Variants in MTUS2 observed in about 807,000 individuals in gnomAD.
The protein encoded by MTUS2 is microtubule associated scaffold protein 2, also known as microtubule-associated tumor suppressor candidate 2.
A neutral mutation model predicts 114.1 loss-of-function variants in MTUS2; 40 were observed. The observed-to-expected ratio is 0.35, with a 90% CI of 0.27 to 0.46. The LOEUF (loss-of-function observed/expected upper bound fraction) is 0.46. MTUS2 is among the 20% of genes least tolerant of loss of function. MTUS2 has a pLI of 1.00. For synonymous variants in MTUS2, 688 were observed against 672.0 expected, an observed-to-expected ratio of 1.02 and a Z score of -0.37; for missense variants, 1,679 against 1,705.4, an observed-to-expected ratio of 0.98 and a Z score of 0.27.
intron 5 of MTUS2, among the ~76,000 whole-genome samples, chr13:29,147,936 T>A (rs150863614): frequency 6.6e-6 from 1 of 152,322 alleles, no homozygotes; most frequent in East Asian, 1.9e-4. Flanking sequence ...ATGAATGATT[T>A]ATTTTCCTTT....
In MTUS2 at chr13:29,389,585, G is replaced by A. The variant is rs1338065419; in HGVS notation, c.3117+30112G>A. On this transcript the variant is annotated intron_variant, in intron 8 of 15. Transcript: ENST00000612955. ...TATATGTGTACATATGTGTGTATAC[G>A]TATACATATGTGTGTATACGTATAC... is the stretch of plus-strand genomic sequence containing the variant. 1.2e-4 allele frequency among the ~76,000 whole-genome samples: 13 copies of A among 110,048 alleles called. 1 individual carries two copies. Among genetic ancestry groups the A allele is most frequent in the Non-Finnish European group, 2.5e-4 (13 of 51,334 alleles). The allele number at this position is 110,048 out of a possible 152,430, so 72.2% of individuals were successfully genotyped here. A position where few individuals can be genotyped will look rare whatever the true frequency, so the allele number is the denominator to read the frequency against.
intron 2 of MTUS2, among the ~76,000 whole-genome samples, chr13:29,004,432 A>G (rs998055929): frequency 4.6e-5 from 7 of 152,212 alleles, no homozygotes; most frequent in Admixed American, 3.9e-4. Context: ...TGAAATGCTT[A>G]TTTATATAGT....
chr13:28,845,399 GT>G (rs1270802400), intron 2 of MTUS2, among the ~76,000 whole-genome samples: 1 of 152,210 alleles, frequency 6.6e-6, no homozygotes, highest in Non-Finnish European at 1.5e-5. Flanking sequence ...CTAAGGAAAT[GT>G]TTCTGGAATG....
chr13:28,824,290 C>T (rs1444291354), intron 1 of MTUS2, among the ~76,000 whole-genome samples: 2 of 152,184 alleles, frequency 1.3e-5, no homozygotes, highest in Non-Finnish European at 2.9e-5. Context: ...TGTGTATCTC[C>T]TACCACCTGG....
chr13:29,197,721 G>T (rs2139222991), intron 5 of MTUS2, among the ~76,000 whole-genome samples: 1 of 152,276 alleles, frequency 6.6e-6, no homozygotes, highest in East Asian at 1.9e-4. Flanking sequence ...TCCAGCATCT[G>T]TTGTTTCCTG....
At chr13:29,419,448 G>A (rs1566190080) in intron 8 of MTUS2, among the ~76,000 whole-genome samples, 1 of 152,164 alleles carries the variant, frequency 6.6e-6, no homozygotes, top group Non-Finnish European at 1.5e-5. Context: ...GGTTAGGGTG[G>A]CCACTTCCAT....
intron 5 of MTUS2, among the ~76,000 whole-genome samples, chr13:29,266,186 C>A (rs1265990662): frequency 6.6e-6 from 1 of 152,152 alleles, no homozygotes; most frequent in Non-Finnish European, 1.5e-5. Context: ...ATGTTCCAGG[C>A]AATATTCTAA....
intron 5 of MTUS2, among the ~76,000 whole-genome samples, chr13:29,206,397 A>C (rs960230446): frequency 3.6e-4 from 55 of 152,196 alleles, no homozygotes; most frequent in African/African-American, 1.3e-3. Context: ...ACGGTGCAGA[A>C]GCTTTTTAGT....
chr13:29,325,555 AGAG>A (rs1198985253), intron 7 of MTUS2, among the ~76,000 whole-genome samples: 17 of 58,912 alleles, frequency 2.9e-4, no homozygotes, highest in African/African-American at 6.3e-4. Flanking sequence ...AGAAGGAAGA[AGAG>A]GAAGAAGAAG....
intron 7 of MTUS2, among the ~76,000 whole-genome samples, chr13:29,329,279 C>T (rs1900661678): frequency 6.6e-6 from 1 of 152,050 alleles, no homozygotes; most frequent in Non-Finnish European, 1.5e-5. Context: ...TATCCCTCCC[C>T]TAGCCCCCCA....
intron 7 of MTUS2, among the ~76,000 whole-genome samples, chr13:29,335,096 C>T (rs548727942): frequency 1.3e-5 from 2 of 152,288 alleles, no homozygotes; most frequent in East Asian, 3.9e-4. Flanking sequence ...CGGAACAGAG[C>T]CATATTTCTC....
intron 7 of MTUS2, among the ~76,000 whole-genome samples, chr13:29,328,205 T>A (rs1386043287): frequency 2.6e-5 from 4 of 152,252 alleles, no homozygotes; most frequent in Non-Finnish European, 5.9e-5. Flanking sequence ...GAAAATACAT[T>A]TGATAATAGA....
Position 29,086,324 on chromosome 13 carries a change from T to C in MTUS2, c.2447-14449T>C, listed in dbSNP as rs367640304. Among the ~76,000 whole-genome samples the C allele has an allele frequency of 6.6e-5, 10 of 152,370 alleles. No homozygotes were observed. In the East Asian group the frequency reaches 1.5e-3, roughly 24 times the overall value. ...TTTCTTCTTTTTGTTACAATTGCTTTTGGAGACTTTATCATGAAATCTTTG... is the reference window on the plus strand; with the variant it reads ...TTTCTTCTTTTTGTTACAATTGCTTCTGGAGACTTTATCATGAAATCTTTG... On this transcript the variant is annotated intron_variant, in intron 4 of 15. Coordinates refer to ENST00000612955, the MANE Select transcript of MTUS2 (RefSeq NM_001033602.4).
At chr13:29,435,118 A>G (rs1877310037) in intron 8 of MTUS2, among the ~76,000 whole-genome samples, 1 of 152,222 alleles carries the variant, frequency 6.6e-6, no homozygotes, top group South Asian at 2.1e-4. Context: ...ACATGAACAA[A>G]TGAAAGAGGT....
chr13:29,287,229 T>G (rs960906971), intron 6 of MTUS2, among the ~76,000 whole-genome samples: 1 of 152,168 alleles, frequency 6.6e-6, no homozygotes, highest in African/African-American at 2.4e-5. Flanking sequence ...CAGAATTCCA[T>G]CTGTGGGCTG....
rs376599993 is a variant in MTUS2, at chr13:29,026,413, C to T, written c.1715C>T (p.Pro572Leu). 2.5e-5 allele frequency: 40 copies of T among 1,613,750 alleles called. No individual in the cohort carries two copies. In the African/African-American group the frequency reaches 5.1e-4, roughly 20 times the overall value. ...GMDAGSPLVVPPPTDSARLLN... is the reference protein window; with the variant it reads ...GMDAGSPLVVLPPTDSARLLN... ...GATGCGGGGTCCCCCTTGGTAGTTC[C>T]ACCCCCTACTGATAGTGCACGCTTG... is the stretch of plus-strand genomic sequence containing the variant. Residue 572 changes from proline (P) to leucine (L), a missense_variant, in exon 3 of 16, where the codon CCA becomes CTA. Around this residue, in one of 3 missense-constraint regions of MTUS2, gnomAD observed 843 missense variants for 770.8 expected, o/e 1.09. Coordinates refer to ENST00000612955, the MANE Select transcript of MTUS2 (RefSeq NM_001033602.4).
At chr13:29,130,700 A>G (rs1257831726) in intron 5 of MTUS2, among the ~76,000 whole-genome samples, 1 of 152,068 alleles carries the variant, frequency 6.6e-6, no homozygotes, top group Non-Finnish European at 1.5e-5. Flanking sequence ...ATCTTGGCTC[A>G]CTGCAACCTC....
intron 5 of MTUS2, among the ~76,000 whole-genome samples, chr13:29,128,508 A>G (rs560878450): frequency 3.8e-4 from 58 of 152,356 alleles, no homozygotes; most frequent in Middle Eastern, 6.8e-3. Flanking sequence ...CATATACATT[A>G]AATGTCAATA....
In MTUS2 at chr13:29,012,822, C is replaced by T. The variant is rs560052029; in HGVS notation, c.-242-11635C>T. ...CCGGGAGGCAGAGGTTGCAGTGAGC[C>T]GAGATCGCACCACTGCATTCCAGCC... On this transcript the variant is annotated intron_variant, in intron 2 of 15. Coordinates refer to ENST00000612955, the MANE Select transcript of MTUS2 (RefSeq NM_001033602.4). Among the ~76,000 whole-genome samples, 15 of 151,622 alleles carry T rather than the reference C, an allele frequency of 9.9e-5. No homozygotes were observed. In the South Asian group the frequency reaches 1.0e-3, roughly 11 times the overall value.
Sources: gnomAD v4.1 joint callset for allele counts (sites outside exome capture counted in the v4.1 genomes callset) on GRCh38, gnomAD v4.1.1 for gene constraint, gnomAD v4.1.1 regional missense constraint, MANE v1.5 for transcripts, NCBI Gene and HGNC (gene_info 2026-07-23, HGNC 2026-07-21) for gene names.